LMNTD1: variants seen among roughly 807,000 people sequenced by gnomAD.
The protein encoded by LMNTD1 is lamin tail domain containing 1.
In LMNTD1, 35 loss-of-function variants were observed where a neutral mutation model predicts 50.9. The ratio of observed to expected loss-of-function variants is 0.69; its 90% CI spans 0.53 to 0.91. LMNTD1 has a LOEUF of 0.91. Among genes scored for constraint, LMNTD1 ranks in the 40% least tolerant of loss-of-function variants. The probability of loss-of-function intolerance (pLI) is 0.00; values close to 1 mark genes in which losing one functional copy is unlikely to be tolerated. For synonymous variants in LMNTD1, 153 were observed against 161.9 expected, an observed-to-expected ratio of 0.94 and a Z score of 0.42; for missense variants, 470 against 475.5, an observed-to-expected ratio of 0.99 and a Z score of 0.11.
At chr12:25,525,482 C>T (rs949191166) in intron 6 of LMNTD1, among the ~76,000 whole-genome samples, 9 of 152,104 alleles carry the variant, frequency 5.9e-5, no homozygotes, top group Non-Finnish European at 7.4e-5. Context: ...TATGGAGTAC[C>T]TTCCTTATCC....
Position 25,526,144 on chromosome 12 carries a change from T to C in LMNTD1, c.753A>G (p.Arg251=). 1 of 1,611,096 alleles carries C rather than the reference T, an allele frequency of 6.2e-7. No homozygotes were observed. Among genetic ancestry groups the C allele is most frequent in the Non-Finnish European group, 8.5e-7 (1 of 1,178,342 alleles). Residue 251 remains arginine (R), a synonymous_variant, in exon 6 of 10, where the codon AGA becomes AGG. Coordinates refer to ENST00000458174, the MANE Select transcript of LMNTD1 (RefSeq NM_001145728.2). ...DFLWKEQDKF[R]ASPDCITILC... is the part of the protein sequence containing the mutation. ...GGATTGTTATACAATCAGGACTTGC[T>C]CTAAACTTGTCTTGTTCCTTCCAAA...
At chr12:25,544,115 T>TG (rs1042407849) in intron 4 of LMNTD1, among the ~76,000 whole-genome samples, 3 of 151,906 alleles carry the variant, frequency 2.0e-5, no homozygotes, top group African/African-American at 7.2e-5. Context: ...TTAACTCTGA[T>TG]GTTTCTTCGT....
intron 1 of LMNTD1, among the ~76,000 whole-genome samples, chr12:25,641,907 A>G (rs1565534208): frequency 6.6e-6 from 1 of 152,130 alleles, no homozygotes; most frequent in Non-Finnish European, 1.5e-5. Context: ...ACTTACAACC[A>G]TAGTAGGACT....
At chr12:25,566,539 GT>G (rs1222129539) in intron 1 of LMNTD1, among the ~76,000 whole-genome samples, 29 of 152,206 alleles carry the variant, frequency 1.9e-4, no homozygotes, top group African/African-American at 6.5e-4. Context: ...TCTCCACACT[GT>G]TTTCCATAGT....
At chr12:25,619,030 T>C (rs1946405974) in intron 1 of LMNTD1, among the ~76,000 whole-genome samples, 1 of 152,190 alleles carries the variant, frequency 6.6e-6, no homozygotes, top group African/African-American at 2.4e-5. Flanking sequence ...GAGCATTCTA[T>C]AATATGCTTC....
At chr12:25,532,589 T>C (rs1269033425) in intron 4 of LMNTD1, among the ~76,000 whole-genome samples, 1 of 152,164 alleles carries the variant, frequency 6.6e-6, no homozygotes. Context: ...AATTATGAAA[T>C]TAATGGGTGT....
intron 4 of LMNTD1, among the ~76,000 whole-genome samples, chr12:25,545,419 G>A (rs1490485744): frequency 1.3e-5 from 2 of 151,486 alleles, no homozygotes. Context: ...CTTCTCTGTG[G>A]CCTCAGGAAT....
intron 8 of LMNTD1, among the ~76,000 whole-genome samples, chr12:25,508,620 T>C (rs1241327640): frequency 6.6e-6 from 1 of 152,226 alleles, no homozygotes; most frequent in Non-Finnish European, 1.5e-5. Flanking sequence ...CATATGTATA[T>C]ATTTGTTAAA....
At chr12:25,535,745 G>A (rs2136147597) in intron 4 of LMNTD1, among the ~76,000 whole-genome samples, 1 of 152,194 alleles carries the variant, frequency 6.6e-6, no homozygotes, top group African/African-American at 2.4e-5. Flanking sequence ...AGCCTTAAAT[G>A]TAAATAGTTT....
intron 9 of LMNTD1, among the ~76,000 whole-genome samples, chr12:25,476,992 G>A (rs1040297886): frequency 1.6e-4 from 24 of 152,152 alleles, no homozygotes; most frequent in African/African-American, 5.8e-4. Context: ...ACCAAGGTGA[G>A]TTTCCTGAGG....
intron 1 of LMNTD1, among the ~76,000 whole-genome samples, chr12:25,603,986 G>T (rs1353724077): frequency 6.6e-6 from 1 of 152,028 alleles, no homozygotes; most frequent in Non-Finnish European, 1.5e-5. Flanking sequence ...TTACATGTCA[G>T]GCTAATAAAG....
At chr12:25,517,814 C>T (rs185874883) in intron 8 of LMNTD1, among the ~76,000 whole-genome samples, 29 of 151,098 alleles carry the variant, frequency 1.9e-4, no homozygotes, top group African/African-American at 6.8e-4. Context: ...TCCATCATTC[C>T]ACTTCTAAAA....
At chr12:25,523,817 A>T (rs1485796342) in intron 6 of LMNTD1, among the ~76,000 whole-genome samples, 3 of 115,866 alleles carry the variant, frequency 2.6e-5, no homozygotes, top group Admixed American at 1.7e-4. Context: ...TGACTCAGGT[A>T]AAAAAAAAAA....
chr12:25,535,744 T>C (rs1280815800), intron 4 of LMNTD1, among the ~76,000 whole-genome samples: 3 of 152,098 alleles, frequency 2.0e-5, no homozygotes, highest in Admixed American at 6.5e-5. Context: ...TAGCCTTAAA[T>C]GTAAATAGTT....
chr12:25,481,556 A>G (rs767215908), intron 9 of LMNTD1, among the ~76,000 whole-genome samples: 11 of 152,000 alleles, frequency 7.2e-5, no homozygotes, highest in Non-Finnish European at 1.6e-4. Flanking sequence ...ATTTCTGTGC[A>G]GCCTCAACAT....
intron 4 of LMNTD1, among the ~76,000 whole-genome samples, chr12:25,532,651 T>C (rs996839846): frequency 6.6e-6 from 1 of 152,178 alleles, no homozygotes; most frequent in African/African-American, 2.4e-5. Context: ...TTCAAAATAG[T>C]GGTCTCACCT....
chr12:25,596,875 A>G (rs1005378610), intron 1 of LMNTD1, among the ~76,000 whole-genome samples: 1 of 152,018 alleles, frequency 6.6e-6, no homozygotes, highest in Non-Finnish European at 1.5e-5. Context: ...AGTACAATAA[A>G]TGTAAATAGA....
At chr12:25,519,587 C>CAGAAAAA (rs1555213079) in intron 7 of LMNTD1, among the ~76,000 whole-genome samples, 1 of 94,716 alleles carries the variant, frequency 1.1e-5, no homozygotes, top group Non-Finnish European at 1.9e-5. Flanking sequence ...GACTCTGTCT[C>CAGAAAAA]AAAAAAAAAA....
Position 25,506,787 on chromosome 12 carries a change from C to A in LMNTD1, c.1190-2987G>T, listed in dbSNP as rs570457934. Among the ~76,000 whole-genome samples the A allele has an allele frequency of 4.0e-5, 6 of 151,582 alleles. No individual in the cohort carries two copies. The South Asian group carries it at 1.3e-3, about 32-fold the overall frequency. ...AAATTTTTATTGTGAAAAATTTAAA[C>A]ATACAGAAAATGTTAATGAATAATA... On this transcript the variant is annotated intron_variant, in intron 8 of 9. Transcript: ENST00000458174.
Sources: gnomAD v4.1 joint callset for allele counts (sites outside exome capture counted in the v4.1 genomes callset) on GRCh38, gnomAD v4.1.1 for gene constraint, MANE v1.5 for transcripts, NCBI Gene and HGNC (gene_info 2026-07-23, HGNC 2026-07-21) for gene names.